Variants in RPL4 observed in about 807,000 individuals in gnomAD.
The protein encoded by RPL4 is large ribosomal subunit protein uL4.
In RPL4, 3 loss-of-function variants were observed where a neutral mutation model predicts 47.7. The observed-to-expected ratio is 0.06, with a 90% CI of 0.03 to 0.16. The LOEUF is 0.16. Among genes scored for constraint, RPL4 ranks in the 10% least tolerant of loss-of-function variants. The probability of loss-of-function intolerance (pLI) is 1.00; values close to 1 mark genes in which losing one functional copy is unlikely to be tolerated. For synonymous variants in RPL4, 208 were observed against 182.1 expected (o/e 1.14, Z -1.15); for missense variants, 413 against 551.3 (o/e 0.75, Z 2.51).
At chr15:66,499,707 G>GT (rs1893567858) in intron 9 of RPL4, 55 bp from the exon 10 acceptor site, 7 of 1,598,164 alleles carry the variant, frequency 4.4e-6, no homozygotes, top group Non-Finnish European at 6.0e-6. Flanking sequence ...AGAACTTAAT[G>GT]TATCAGGAAG....
Position 66,499,364 on chromosome 15 carries a change from T to A in RPL4, c.*43A>T. 6.3e-7 allele frequency: 1 copy of A among 1,575,442 alleles called. No individual in the cohort carries two copies. The highest frequency in any genetic ancestry group is 1.4e-5 in the African/African-American group (1 of 72,724). ...TCAGGTCTTTATTCAAAAGAAGCTG[T>A]CCAAAATGATTTGACCTTTATGGAA... is the stretch of plus-strand genomic sequence containing the variant. On this transcript the variant is annotated 3_prime_UTR_variant, in exon 10 of 10. Transcript: ENST00000307961.
At chr15:66,500,713 C>T (rs1375963294) in intron 7 of RPL4, 12 of 561,792 alleles carry the variant, frequency 2.1e-5, no homozygotes, top group Middle Eastern at 4.7e-4. Flanking sequence ...ACCCGGGAGG[C>T]GGAGGCTGCA....
intron 3 of RPL4, 149 bp from the exon 4 acceptor site, chr15:66,502,899 G>T: frequency 1.5e-6 from 2 of 1,353,826 alleles, no homozygotes; most frequent in Non-Finnish European, 2.1e-6. Context: ...CGCAAATTAC[G>T]ACATCATTGC....
In RPL4 at chr15:66,499,393, T is replaced by C; in HGVS notation, c.*14A>G. On this transcript the variant is annotated 3_prime_UTR_variant, in exon 10 of 10. Transcript: ENST00000307961. ...AAATGATTTGACCTTTATGGAATAA[T>C]CAAATTTAAGAGTTTATGCAGCAGG... 1 of 1,590,280 alleles carries C rather than the reference T, an allele frequency of 6.3e-7. No homozygotes were observed. The highest frequency in any genetic ancestry group is 1.2e-5 in the South Asian group (1 of 86,124).
rs773560602 is a variant in RPL4 at position 66,502,042 on chromosome 15, T to C, written c.422-130A>G. 4.1e-6 allele frequency: 5 copies of C among 1,208,120 alleles called. No homozygotes were observed. The South Asian group carries it at 4.9e-5, about 12-fold the overall frequency. 74.8% of individuals were successfully genotyped at this position (1,208,120 alleles called of 1,614,324 possible). A position where few individuals can be genotyped will look rare whatever the true frequency, so the allele number is the denominator to read the frequency against. ...TGCCAAGTCAGAATTTCCACAAATA[T>C]CATGTGTTTCAGAAACACGGACCAA... is the stretch of plus-strand genomic sequence containing the variant. On this transcript the variant is annotated intron_variant, in intron 4 of 9. Coordinates refer to ENST00000307961, the MANE Select transcript of RPL4 (RefSeq NM_000968.4).
At chr15:66,500,505 T>A (rs1177777862) in intron 7 of RPL4, 129 bp from the exon 8 acceptor site, 1 of 822,654 alleles carries the variant, frequency 1.2e-6, no homozygotes, top group Non-Finnish European at 2.0e-6. Flanking sequence ...CTCATAAACA[T>A]GGACCAGGCC....
At chr15:66,504,382 T>C (rs1893704677) in intron 1 of RPL4, among the ~76,000 whole-genome samples, 1 of 152,228 alleles carries the variant, frequency 6.6e-6, no homozygotes, top group African/African-American at 2.4e-5. Flanking sequence ...ACTGGTCTTA[T>C]TACGAGTTGG....
In RPL4 at chr15:66,503,449, G is replaced by A. The variant is rs1893668854; in HGVS notation, c.84C>T (p.Phe28=). 1.2e-6 allele frequency: 2 copies of A among 1,612,476 alleles called. No individual in the cohort carries two copies. The highest frequency in any genetic ancestry group is 2.7e-5 in the African/African-American group (2 of 74,918). ...SGKNVTLPAV[F]KAPIRPDIVN... The stretch of plus-strand genomic sequence containing the variant: ...CAATATCTGGTCGAATAGGAGCCTT[G>A]AATACAGCAGGCAAAGTGACATTTT... The change falls in exon 2 of 10, where the codon TTC becomes TTT. Residue 28 remains phenylalanine, a synonymous_variant. Transcript: ENST00000307961.
rs562879783 is a variant in RPL4, at chr15:66,501,355, T to C, written c.676+20A>G. ...ACTTGCAGAGTATACCTAGTCAATA[T>C]ATGTAAGCAGTTTAATTACCAGGGA... On this transcript the variant is annotated intron_variant, in intron 6 of 9. Transcript: ENST00000307961. The C allele has an allele frequency of 6.4e-5, 104 of 1,614,044 alleles. No homozygotes were observed. In the South Asian group the frequency reaches 6.6e-4, roughly 10 times the overall value.
Position 66,503,201 on chromosome 15 carries a change from A to T in RPL4, c.176-37T>A, listed in dbSNP as rs371782509. 53 of 1,603,460 alleles carry T rather than the reference A, an allele frequency of 3.3e-5. No individual in the cohort carries two copies. In the Middle Eastern group the frequency reaches 9.9e-4, roughly 30 times the overall value. On this transcript the variant is annotated intron_variant, in intron 2 of 9. Coordinates refer to ENST00000307961, the MANE Select transcript of RPL4 (RefSeq NM_000968.4). ...AAGAGATAAAAGTTGTAGCTGCTTC[A>T]TCATACATACCAACCCATGACTATT... is the stretch of plus-strand genomic sequence containing the variant.
At chr15:66,501,314 A>T (rs758930136) in intron 6 of RPL4, 61 bp downstream of exon 6, 2 of 1,610,038 alleles carry the variant, frequency 1.2e-6, no homozygotes, top group Non-Finnish European at 1.7e-6. Flanking sequence ...ATCTCATCAT[A>T]ACAAAAGCTG....
chr15:66,500,731 A>G, intron 7 of RPL4: 1 of 596,988 alleles, frequency 1.7e-6, no homozygotes, highest in Non-Finnish European at 2.9e-6. Context: ...GCAGTAAGCC[A>G]CGATCACACC....
intron 8 of RPL4, 56 bp downstream of exon 8, chr15:66,500,237 G>A: frequency 1.9e-6 from 3 of 1,613,250 alleles, no homozygotes; most frequent in Non-Finnish European, 2.5e-6. Context: ...ACAAATTTTT[G>A]AAACAACCAA....
In RPL4 at chr15:66,500,980, G is replaced by A. The variant is rs1426063032; in HGVS notation, c.802C>T (p.Arg268Cys). 4.3e-6 allele frequency: 7 copies of A among 1,613,822 alleles called. No homozygotes were observed. The highest frequency in any genetic ancestry group is 1.7e-5 in the Admixed American group (1 of 59,986). Residue 268 changes from arginine (R) to cysteine (C), a missense_variant, in exon 7 of 10, where the codon CGT becomes TGT. Transcript: ENST00000307961. ...TTACTCTTGAGGGAAGCGGCTTTAC[G>A]CCAAGTGCCGTACAATTCATCTAAC... is the stretch of plus-strand genomic sequence containing the variant. ...RKLDELYGTWRKAASLKSNYN... is the reference protein window; with the variant it reads ...RKLDELYGTWCKAASLKSNYN...
Position 66,500,974 on chromosome 15 carries a change from C to G in RPL4, c.808G>C (p.Ala270Pro), listed in dbSNP as rs773722353. 1.2e-6 allele frequency: 2 copies of G among 1,613,956 alleles called. No homozygotes were observed. Among genetic ancestry groups the G allele is most frequent in the South Asian group, 2.2e-5 (2 of 91,056 alleles). Residue 270 changes from alanine to proline, a missense_variant, in exon 7 of 10, where the codon GCC (alanine) becomes CCC (proline). Coordinates refer to ENST00000307961, the MANE Select transcript of RPL4 (RefSeq NM_000968.4). ...TTGTAGTTACTCTTGAGGGAAGCGG[C>G]TTTACGCCAAGTGCCGTACAATTCA... is the stretch of plus-strand genomic sequence containing the variant. ...LDELYGTWRK[A>P]ASLKSNYNLP... is the part of the protein sequence containing the mutation.
intron 6 of RPL4, 119 bp from the exon 7 acceptor site, chr15:66,501,224 C>A: frequency 6.5e-7 from 1 of 1,536,824 alleles, no homozygotes; most frequent in Non-Finnish European, 9.0e-7. Flanking sequence ...AAGTTTCAAC[C>A]ATCAATGGTG....
chr15:66,500,640 G>C (rs1229454638), intron 7 of RPL4: 2 of 542,424 alleles, frequency 3.7e-6, no homozygotes, highest in Non-Finnish European at 6.5e-6. Flanking sequence ...CAATTAGCCG[G>C]GTGTGGTGGC....
At chr15:66,500,410 A>G (rs897082756) in intron 7 of RPL4, 34 bp from the exon 8 acceptor site, 2 of 1,581,682 alleles carry the variant, frequency 1.3e-6, no homozygotes, top group Non-Finnish European at 1.7e-6. Flanking sequence ...TACATGTAAA[A>G]GTAATCAACC....
At chr15:66,501,597 G>A (rs538138880) in intron 5 of RPL4, 93 bp from the exon 6 acceptor site, 6 of 1,554,438 alleles carry the variant, frequency 3.9e-6, no homozygotes, top group Non-Finnish European at 5.3e-6. Context: ...TGATTAAACT[G>A]GGCACAATAA....
Sources: gnomAD v4.1 joint callset for allele counts (sites outside exome capture counted in the v4.1 genomes callset) on GRCh38, gnomAD v4.1.1 for gene constraint, MANE v1.5 for transcripts, NCBI Gene and HGNC (gene_info 2026-07-23, HGNC 2026-07-21) for gene names.